SAV1: variants seen among roughly 807,000 people sequenced by gnomAD.
SAV1 encodes the protein protein salvador homolog 1.
SAV1 carries 23 observed loss-of-function variants against 47.3 expected under a neutral mutation model. That is an observed-to-expected ratio of 0.49 (90% CI 0.35 to 0.69). The LOEUF (loss-of-function observed/expected upper bound fraction) is 0.69, where lower values mean the gene tolerates loss of function less well. SAV1 is among the 30% of genes least tolerant of loss of function. The pLI, the probability that SAV1 is intolerant of heterozygous loss-of-function variation, is 0.01. For synonymous variants in SAV1, 155 were observed against 159.2 expected (o/e 0.97, Z 0.20); for missense variants, 448 against 457.4 (o/e 0.98, Z 0.19).
rs2039615049 is a variant in SAV1, at chr14:50,634,431, C to G, written c.*752G>C. On this transcript the variant is annotated 3_prime_UTR_variant, in exon 5 of 5. Transcript: ENST00000324679. ...AGTGGTGCGATCTTGACCCTGCAACCTCTGCCTCTTGGGCTCAAGCCATCC... is the reference window on the plus strand; with the variant it reads ...AGTGGTGCGATCTTGACCCTGCAACGTCTGCCTCTTGGGCTCAAGCCATCC... 1 of 224,562 alleles carries G rather than the reference C, an allele frequency of 4.5e-6. No homozygotes were observed. 13.9% of individuals were successfully genotyped at this position (224,562 alleles called of 1,614,324 possible). A position where few individuals can be genotyped will look rare whatever the true frequency, so the allele number is the denominator to read the frequency against.
intron 4 of SAV1, among the ~76,000 whole-genome samples, chr14:50,638,802 C>T (rs1011327017): frequency 6.6e-6 from 1 of 152,210 alleles, no homozygotes; most frequent in Non-Finnish European, 1.5e-5. Context: ...GAGTCTCGCT[C>T]TGTCACCCAG....
chr14:50,667,858 C>T lies in SAV1; in HGVS notation c.94+16G>A, dbSNP rs370168372. On this transcript the variant is annotated intron_variant, in intron 1 of 4. Transcript: ENST00000324679. ...CCGCCTGGGCCAGGTGTGGGCACGC[C>T]CCGCCTGACACTCACTCCGAAGCAG... The T allele has an allele frequency of 6.2e-7, 1 of 1,611,712 alleles. No individual in the cohort carries two copies. Among genetic ancestry groups the T allele is most frequent in the Admixed American group, 1.7e-5 (1 of 59,910 alleles).
intron 3 of SAV1, among the ~76,000 whole-genome samples, chr14:50,642,729 A>G (rs1013675758): frequency 6.6e-6 from 1 of 152,336 alleles, no homozygotes; most frequent in African/African-American, 2.4e-5. Context: ...CTAAACTGGG[A>G]TTAAAATAAG....
intron 2 of SAV1, among the ~76,000 whole-genome samples, chr14:50,647,797 G>A (rs1441570585): frequency 6.6e-6 from 1 of 152,192 alleles, no homozygotes; most frequent in Non-Finnish European, 1.5e-5. Context: ...CAATGCAAGT[G>A]CTTACATGGA....
chr14:50,660,490 G>A (rs984776727), intron 2 of SAV1, among the ~76,000 whole-genome samples: 3 of 151,956 alleles, frequency 2.0e-5, no homozygotes, highest in African/African-American at 4.8e-5. Context: ...AGCATTTTTT[G>A]GATACATAAT....
intron 2 of SAV1, among the ~76,000 whole-genome samples, chr14:50,646,591 CAGG>C (rs1469278459): frequency 6.7e-6 from 1 of 148,644 alleles, no homozygotes; most frequent in African/African-American, 2.5e-5. Context: ...GAGGCTGAGG[CAGG>C]AGAATTGCTT....
chr14:50,659,921 T>TCCAG (rs1366788844), intron 2 of SAV1, among the ~76,000 whole-genome samples: 1 of 152,224 alleles, frequency 6.6e-6, no homozygotes, highest in Non-Finnish European at 1.5e-5. Flanking sequence ...TTCCAGAATT[T>TCCAG]GGACTGGCCA....
chr14:50,646,117 C>T (rs901119984), intron 2 of SAV1, among the ~76,000 whole-genome samples: 2 of 152,142 alleles, frequency 1.3e-5, no homozygotes, highest in African/African-American at 4.8e-5. Flanking sequence ...CCCGTAGATG[C>T]CTGAAACTGC....
intron 2 of SAV1, among the ~76,000 whole-genome samples, chr14:50,646,553 G>A (rs1026415892): frequency 7.9e-5 from 12 of 152,096 alleles, no homozygotes; most frequent in Non-Finnish European, 1.6e-4. Flanking sequence ...GGGCGTGGTG[G>A]CGGACGCCTG....
chr14:50,641,563 A>G (rs948377229), intron 3 of SAV1, among the ~76,000 whole-genome samples: 1 of 152,182 alleles, frequency 6.6e-6, no homozygotes, highest in African/African-American at 2.4e-5. Flanking sequence ...ACCTTCAAAC[A>G]TAAAGATTTA....
chr14:50,637,663 A>ATTTTTTTTTT (rs771403561), intron 4 of SAV1: 1 of 128,778 alleles, frequency 7.8e-6, no homozygotes, highest in African/African-American at 3.4e-5. Context: ...CAATTTTGTC[A>ATTTTTTTTTT]GTTTTTTTTT....
At chr14:50,645,211 G>A (rs2039712271) in intron 2 of SAV1, among the ~76,000 whole-genome samples, 197 bp from the exon 3 acceptor site, 2 of 152,234 alleles carry the variant, frequency 1.3e-5, no homozygotes, top group Admixed American at 6.5e-5. Flanking sequence ...GGAGGAACTA[G>A]ACTTTGAAAT....
intron 1 of SAV1, 44 bp from the exon 2 acceptor site, chr14:50,665,663 A>T: frequency 6.7e-7 from 1 of 1,496,344 alleles, no homozygotes; most frequent in Non-Finnish European, 8.9e-7. Flanking sequence ...ATCATTAAGT[A>T]ACAAAAGTTT....
chr14:50,659,299 A>G (rs2039839222), intron 2 of SAV1, among the ~76,000 whole-genome samples: 1 of 152,226 alleles, frequency 6.6e-6, no homozygotes. Context: ...GTATTGCAGG[A>G]GGCAAGTCTA....
chr14:50,664,454 T>C (rs2039884421), intron 2 of SAV1: 1 of 152,202 alleles, frequency 6.6e-6, no homozygotes, highest in Non-Finnish European at 1.5e-5. Context: ...TCTCACTTCA[T>C]TTTATCTGGT....
At chr14:50,636,966 A>C (rs1181057282) in intron 4 of SAV1, among the ~76,000 whole-genome samples, 2 of 152,200 alleles carry the variant, frequency 1.3e-5, no homozygotes, top group Non-Finnish European at 2.9e-5. Context: ...CTTTGATATT[A>C]TACCATTTTC....
intron 2 of SAV1, among the ~76,000 whole-genome samples, chr14:50,660,333 G>A (rs1284727176): frequency 6.6e-6 from 1 of 152,170 alleles, no homozygotes; most frequent in Non-Finnish European, 1.5e-5. Context: ...TCTTGGCGGT[G>A]ATGACTCTGA....
intron 2 of SAV1, among the ~76,000 whole-genome samples, chr14:50,660,371 C>T (rs2039848381): frequency 6.6e-6 from 1 of 152,188 alleles, no homozygotes; most frequent in South Asian, 2.1e-4. Context: ...CCTTACTCAG[C>T]TGCCTTGCAA....
intron 2 of SAV1, chr14:50,664,729 T>C (rs922875885): frequency 6.5e-6 from 1 of 152,864 alleles, no homozygotes; most frequent in Non-Finnish European, 1.5e-5. Context: ...AGCGAAGTAA[T>C]GTGGTTGCTC....
Sources: allele counts gnomAD v4.1 joint callset (sites outside exome capture counted in the v4.1 genomes callset), GRCh38; gene constraint gnomAD v4.1.1; transcripts MANE v1.5; gene names NCBI Gene and HGNC (gene_info 2026-07-23, HGNC 2026-07-21).